The following SMTN variants were observed in gnomAD, a reference collection of about 807,000 sequenced individuals.
The protein encoded by SMTN is smoothelin.
A neutral mutation model predicts 102.0 loss-of-function variants in SMTN; 58 were observed. That is an observed-to-expected ratio of 0.57 (90% confidence interval 0.46 to 0.71). SMTN has a LOEUF of 0.71. Among genes scored for constraint, SMTN ranks in the 30% least tolerant of loss-of-function variants. The pLI is 0.00. For synonymous variants in SMTN, 478 were observed against 497.9 expected (o/e 0.96, Z 0.53); for missense variants, 1,185 against 1,241.7 (o/e 0.95, Z 0.69).
At chr22:31,089,612 C>G in intron 6 of SMTN, 87 bp from the exon 7 acceptor site, 1 of 1,308,142 alleles carries the variant, frequency 7.6e-7, no homozygotes, top group Non-Finnish European at 1.1e-6. Context: ...ATGCCCTGCC[C>G]TGGGCACTTG....
rs372544944 is a variant in SMTN at position 31,091,163 on chromosome 22, C to G, written c.1140C>G (p.Gly380=). 9 of 1,613,570 alleles carry G rather than the reference C, an allele frequency of 5.6e-6. No homozygotes were observed. The highest frequency in any genetic ancestry group is 3.3e-5 in the Admixed American group (2 of 59,986). The change falls in exon 10 of 21, where the codon GGC becomes GGG. Residue 380 remains glycine, a synonymous_variant. Transcript: ENST00000333137. ...CCACCCCTGCCTCCTCCTCCAGCGG[C>G]TCCTCCTCTCGGGGCCCCAGTGATA... ...TSTTPASSSS[G]SSSRGPSDTS... is the part of the protein sequence containing the mutation.
chr22:31,098,297 G>A (rs1357243362), intron 16 of SMTN, among the ~76,000 whole-genome samples: 1 of 152,124 alleles, frequency 6.6e-6, no homozygotes, highest in African/African-American at 2.4e-5. Context: ...GTTTAAAATG[G>A]CACACAGGAA....
intron 20 of SMTN, chr22:31,103,234 T>C (rs1335777325): frequency 3.3e-5 from 5 of 152,162 alleles, no homozygotes; most frequent in Admixed American, 3.3e-4. Flanking sequence ...GTCTTGAGAA[T>C]AAGGAGCAAT....
chr22:31,097,154 C>T, intron 15 of SMTN, 94 bp downstream of exon 15: 1 of 1,492,798 alleles, frequency 6.7e-7, no homozygotes, highest in Non-Finnish European at 9.3e-7. Context: ...TTCAACTGTG[C>T]CGTCACTTTC....
Position 31,096,871 on chromosome 22 carries a change from C to A in SMTN, c.2000C>A (p.Thr667Asn), listed in dbSNP as rs1306468372. ...AADGSAVSTV[T>N]KTERLVHSND... The stretch of plus-strand genomic sequence containing the variant: ...GATGGCTCTGCTGTCAGCACTGTTA[C>A]CAAGACTGAGCGGCTCGTCCACTCC... The change falls in exon 14 of 21, where the codon ACC becomes AAC. Residue 667 changes from threonine to asparagine, a missense_variant. By Grantham distance (65) the Thr-to-Asn change is moderately conservative. This residue lies in a region of SMTN where 1,096 missense variants were observed against 1,112.7 expected (regional missense o/e 0.98). Transcript: ENST00000333137. 1.9e-6 allele frequency: 3 copies of A among 1,585,984 alleles called. No homozygotes were observed. Among genetic ancestry groups the A allele is most frequent in the Non-Finnish European group, 1.7e-6 (2 of 1,164,066 alleles).
intron 2 of SMTN, among the ~76,000 whole-genome samples, chr22:31,084,339 C>T (rs185925864): frequency 1.5e-3 from 221 of 152,332 alleles, no homozygotes; most frequent in Non-Finnish European, 2.6e-3. Context: ...CATACCTTCC[C>T]CCGCAGGCAG....
At position 31,088,524 on chromosome 22, in the gene SMTN, G is replaced by A. The variant is rs373513082; in HGVS notation, c.212G>A (p.Arg71Gln). ...TGATGTCTCTGCAGCTCTCAGCAGC[G>A]GGAAGCTGAGCAGCGGGCTGCCCTG... is the stretch of plus-strand genomic sequence containing the variant. Reference protein sequence around the residue: ...NKENWLHSQQREAEQRAALAR... With the variant: ...NKENWLHSQQQEAEQRAALAR... Residue 71 changes from arginine (R) to glutamine (Q), a missense_variant, in exon 4 of 21, where the codon CGG becomes CAG. Coordinates refer to ENST00000333137, the MANE Select transcript of SMTN (RefSeq NM_134269.3). The A allele has an allele frequency of 2.2e-5, 36 of 1,613,556 alleles. No individual in the cohort carries two copies. Among genetic ancestry groups the A allele is most frequent in the South Asian group, 6.6e-5 (6 of 91,060 alleles).
Position 31,087,967 on chromosome 22 carries a change from G to A in SMTN, c.54G>A (p.Leu18=). 6.3e-7 allele frequency: 1 copy of A among 1,589,068 alleles called. No individual in the cohort carries two copies. Among genetic ancestry groups the A allele is most frequent in the Non-Finnish European group, 8.6e-7 (1 of 1,163,470 alleles). Residue 18 remains leucine (L), a splice_region_variant and synonymous_variant, in exon 3 of 21, where the codon CTG becomes CTA. Transcript: ENST00000333137. ...CCTGCCTCTCGCACCCACTGCAGCT[G>A]GAGGTCACAGCAGATCTGGCAGAGC... ...GLDEGALRKL[L]EVTADLAERR...
At position 31,104,312 on chromosome 22, in the gene SMTN, G is replaced by A; in HGVS notation, c.*21-4G>A. ...ACATCCAACCCCGTGCCCCCTCCCT[G>A]CAGGATGCTGGTGGACTGTGTGCCC... On this transcript the variant is annotated splice_polypyrimidine_tract_variant and splice_region_variant and intron_variant, in intron 20 of 20. Coordinates refer to ENST00000333137, the MANE Select transcript of SMTN (RefSeq NM_134269.3). The A allele has an allele frequency of 6.2e-7, 1 of 1,613,982 alleles. No individual in the cohort carries two copies. Among genetic ancestry groups the A allele is most frequent in the Non-Finnish European group, 8.5e-7 (1 of 1,179,894 alleles).
At chr22:31,080,461 C>G (rs1016715026), upstream of SMTN, 2 of 152,178 alleles carry the variant, frequency 1.3e-5, no homozygotes, top group African/African-American at 2.4e-5. Flanking sequence ...ACTCCAGACC[C>G]CATCCTCCCA....
At chr22:31,093,708 T>G in intron 11 of SMTN, 1 of 1,122,104 alleles carries the variant, frequency 8.9e-7, no homozygotes, top group Non-Finnish European at 1.4e-6. Context: ...GGGTCCCACT[T>G]GTGTCCGGCC....
chr22:31,092,264 ATC>A (rs1236556604), intron 11 of SMTN, among the ~76,000 whole-genome samples: 3 of 152,184 alleles, frequency 2.0e-5, no homozygotes, highest in Non-Finnish European at 2.9e-5. Context: ...AGAGCAGCTC[ATC>A]TGCTCATCCA....
At chr22:31,088,631 A>G in intron 4 of SMTN, 25 bp downstream of exon 4, 3 of 1,612,152 alleles carry the variant, frequency 1.9e-6, no homozygotes, top group Non-Finnish European at 2.5e-6. Context: ...GGGGCAGGGG[A>G]TGGGGGCAGG....
chr22:31,084,957 T>C, intron 2 of SMTN: 1 of 1,401,230 alleles, frequency 7.1e-7, no homozygotes, highest in Non-Finnish European at 9.3e-7. Context: ...CCGGGCCATA[T>C]AAGGAAAAGC....
chr22:31,100,946 G>C lies in SMTN; in HGVS notation c.2665G>C (p.Asp889His), dbSNP rs935990323. 1 of 1,612,634 alleles carries C rather than the reference G, an allele frequency of 6.2e-7. No homozygotes were observed. The highest frequency in any genetic ancestry group is 8.5e-7 in the Non-Finnish European group (1 of 1,179,666). Reference protein sequence around the residue: ...TEDMVRLREPDWKCVYTYIQE... With the variant: ...TEDMVRLREPHWKCVYTYIQE... ...GGACATGGTGCGGCTTCGAGAGCCT[G>C]ACTGGAAGTGCGTGTACACGTACAT... Residue 889 changes from aspartate (D) to histidine (H), a missense_variant, in exon 20 of 21, where the codon GAC becomes CAC. Physicochemically the swap from Asp to His is moderately conservative, Grantham distance 81. Transcript: ENST00000333137.
rs1466250526 is a variant in SMTN, at chr22:31,089,933, C to A, written c.706C>A (p.Pro236Thr). 6.2e-7 allele frequency: 1 copy of A among 1,603,490 alleles called. No homozygotes were observed. Reference sequence around the variant, plus strand: ...AGCTGAGGTTCCAGGCAGCCCAGAGCCACCCCCCAGCCCACCCAAGACCAC... The same window carrying A: ...AGCTGAGGTTCCAGGCAGCCCAGAGACACCCCCCAGCCCACCCAAGACCAC... ...LTAEVPGSPEPPPSPPKTTSP... is the reference protein window; with the variant it reads ...LTAEVPGSPETPPSPPKTTSP... Residue 236 changes from proline (P) to threonine (T), a missense_variant, in exon 7 of 21, where the codon CCA (proline) becomes ACA (threonine). By Grantham distance (38) the Pro-to-Thr change is conservative. Around this residue, in one of 2 missense-constraint regions of SMTN, gnomAD observed 1,096 missense variants for 1,112.7 expected, o/e 0.98. Coordinates refer to ENST00000333137, the MANE Select transcript of SMTN (RefSeq NM_134269.3).
At chr22:31,079,496 T>G (rs2042211437), upstream of SMTN, among the ~76,000 whole-genome samples, 1 of 152,212 alleles carries the variant, frequency 6.6e-6, no homozygotes, top group Non-Finnish European at 1.5e-5. Flanking sequence ...GGCCATTCAT[T>G]GGAGCTGGTG....
chr22:31,090,307 T>TCAGGG, intron 8 of SMTN, 127 bp downstream of exon 8: 2 of 705,858 alleles, frequency 2.8e-6, no homozygotes, highest in Non-Finnish European at 4.7e-6. Context: ...CAGTCCCTGA[T>TCAGGG]ACTGCACCCC....
chr22:31,088,396 A>G (rs531388318), intron 3 of SMTN, 117 bp from the exon 4 acceptor site: 6 of 920,526 alleles, frequency 6.5e-6, no homozygotes, highest in African/African-American at 1.6e-5. Context: ...GAGGGTGTGC[A>G]CAGCCACATG....
Sources: gnomAD v4.1 joint callset for allele counts (sites outside exome capture counted in the v4.1 genomes callset) on GRCh38, gnomAD v4.1.1 for gene constraint, gnomAD v4.1.1 regional missense constraint, MANE v1.5 for transcripts, NCBI Gene and HGNC (gene_info 2026-07-23, HGNC 2026-07-21) for gene names.